The following PLD1 variants were observed in gnomAD, a reference collection of about 807,000 sequenced individuals.
The protein encoded by PLD1 is phospholipase D1, also known as choline phosphatase 1.
A neutral mutation model predicts 137.1 loss-of-function variants in PLD1; 112 were observed. That is an observed-to-expected ratio of 0.82 (90% CI 0.70 to 0.96). PLD1 has a LOEUF of 0.96. PLD1 is among the 40% of genes least tolerant of loss of function. PLD1 has a pLI of 0.00. For missense variants in PLD1, 1,321 were observed against 1,342.0 expected (o/e 0.98, Z 0.24); for synonymous variants, 431 against 454.7 (o/e 0.95, Z 0.66).
intron 6 of PLD1, among the ~76,000 whole-genome samples, chr3:171,728,443 A>G (rs891935961): frequency 2.6e-5 from 4 of 152,244 alleles, no homozygotes; most frequent in African/African-American, 7.2e-5. Flanking sequence ...AGGTAATCCT[A>G]TGGGTTATTG....
At position 171,640,212 on chromosome 3, in the gene PLD1, GT is replaced by G. The variant is rs577262336; in HGVS notation, c.2593+2627del. On this transcript the variant is annotated intron_variant, in intron 23 of 26. Transcript: ENST00000351298. Reference sequence around the variant, plus strand: ...TTTTATTCTGCTTGCTTTAGGTTTAGTTTTCTCTTCTTTTTCTACTTTCCTA... The same window carrying G: ...TTTTATTCTGCTTGCTTTAGGTTTAGTTTCTCTTCTTTTTCTACTTTCCTA... 1.7e-4 allele frequency among the ~76,000 whole-genome samples: 25 copies of G among 151,426 alleles called. No homozygotes were observed. The East Asian group carries it at 4.7e-3, about 28-fold the overall frequency.
At chr3:171,629,199 G>A (rs1329487478) in intron 23 of PLD1, among the ~76,000 whole-genome samples, 1 of 151,890 alleles carries the variant, frequency 6.6e-6, no homozygotes, top group East Asian at 1.9e-4. Flanking sequence ...AAAATCACAA[G>A]CATTCTTATA....
intron 1 of PLD1, among the ~76,000 whole-genome samples, chr3:171,770,792 G>A (rs1722292818): frequency 6.6e-6 from 1 of 151,298 alleles, no homozygotes; most frequent in Non-Finnish European, 1.5e-5. Context: ...AGGAGGTTGA[G>A]GTGGGAGGAT....
intron 12 of PLD1, among the ~76,000 whole-genome samples, chr3:171,695,620 G>A (rs1285304708): frequency 6.6e-6 from 1 of 152,180 alleles, no homozygotes; most frequent in African/African-American, 2.4e-5. Flanking sequence ...AATTTTTATA[G>A]TGGAAATCAG....
chr3:171,632,200 G>C (rs969229318), intron 23 of PLD1, among the ~76,000 whole-genome samples: 11 of 152,078 alleles, frequency 7.2e-5, no homozygotes, highest in Admixed American at 2.6e-4. Context: ...TACCCAAATT[G>C]AGGGACAGTC....
intron 24 of PLD1, among the ~76,000 whole-genome samples, chr3:171,613,831 A>G (rs564019809): frequency 6.6e-6 from 1 of 152,052 alleles, no homozygotes; most frequent in Non-Finnish European, 1.5e-5. Context: ...TTTTTGCATT[A>G]ATCTCTGCAG....
At chr3:171,625,158 C>T (rs184197601) in intron 23 of PLD1, among the ~76,000 whole-genome samples, 315 of 152,274 alleles carry the variant, frequency 2.1e-3, no homozygotes, top group Non-Finnish European at 3.3e-3. Flanking sequence ...CCTAATACTG[C>T]GCTTTTCCAA....
intron 19 of PLD1, among the ~76,000 whole-genome samples, chr3:171,669,514 G>A (rs1712525743): frequency 6.6e-6 from 1 of 152,280 alleles, no homozygotes; most frequent in Admixed American, 6.5e-5. Flanking sequence ...CGATTCTCCT[G>A]CCTCAGCCTC....
rs1713395071 is a variant in PLD1, at chr3:171,676,718, T to C, written c.2112A>G (p.Thr704=). ...ARHFIQRWNF[T]KIMKSKYRSL... Reference sequence around the variant, plus strand: ...CATGATAGCAACATCCAAGTACTTTTGTGAAGTTCCAGCGCTGGATGAAGT... The same window carrying C: ...CATGATAGCAACATCCAAGTACTTTCGTGAAGTTCCAGCGCTGGATGAAGT... The change falls in exon 18 of 27, where the codon ACA becomes ACG. Residue 704 remains threonine (T), a synonymous_variant. Coordinates refer to ENST00000351298, the MANE Select transcript of PLD1 (RefSeq NM_002662.5). The C allele has an allele frequency of 1.9e-6, 3 of 1,611,706 alleles. No homozygotes were observed. Among genetic ancestry groups the C allele is most frequent in the South Asian group, 2.2e-5 (2 of 91,014 alleles).
intron 1 of PLD1, among the ~76,000 whole-genome samples, chr3:171,746,871 C>T (rs1720235554): frequency 6.6e-6 from 1 of 152,172 alleles, no homozygotes; most frequent in African/African-American, 2.4e-5. Flanking sequence ...AGCTGGGGCC[C>T]CCTTCAATAC....
intron 16 of PLD1, among the ~76,000 whole-genome samples, chr3:171,685,420 A>G (rs919194314): frequency 2.6e-5 from 4 of 152,226 alleles, no homozygotes; most frequent in Non-Finnish European, 5.9e-5. Context: ...ATAACATAGT[A>G]ATCTTTATTT....
chr3:171,612,491 G>A lies in PLD1; in HGVS notation c.2729-59C>T. ...CCTGTTGTGGCAGACACTGTTGGTT[G>A]CCCTCCCAACTCAATTCATCCTTGC... On this transcript the variant is annotated intron_variant, in intron 24 of 26. Coordinates refer to ENST00000351298, the MANE Select transcript of PLD1 (RefSeq NM_002662.5). The surrounding 1 kb of genome is among the most constrained non-coding windows in gnomAD (Gnocchi z 4.1). 1.3e-6 allele frequency: 2 copies of A among 1,514,504 alleles called. No individual in the cohort carries two copies. Among genetic ancestry groups the A allele is most frequent in the Non-Finnish European group, 1.8e-6 (2 of 1,092,924 alleles). 93.8% of individuals were successfully genotyped at this position (1,514,504 alleles called of 1,614,324 possible).
chr3:171,726,073 CT>C lies in PLD1; in HGVS notation c.609del (p.Glu204SerfsTer5). On this transcript the variant is annotated frameshift_variant and splice_region_variant, in exon 7 of 27. Coordinates refer to ENST00000351298, the MANE Select transcript of PLD1 (RefSeq NM_002662.5). LOFTEE classifies it high-confidence loss of function. ...MPMYRNYHAT[T>X]EFLDISQLSF... ...GACAGCTGGCTTATATCAAGAAACT[CT>C]GTCTGAAAAGAAGCAAAAAATCCAT... The C allele has an allele frequency of 6.2e-7, 1 of 1,611,490 alleles. No homozygotes were observed. The highest frequency in any genetic ancestry group is 8.5e-7 in the Non-Finnish European group (1 of 1,177,734).
chr3:171,644,871 G>T lies in PLD1; in HGVS notation c.2543+39C>A. The T allele has an allele frequency of 4.1e-6, 5 of 1,222,232 alleles. No individual in the cohort carries two copies. The South Asian group carries it at 6.0e-5, about 15-fold the overall frequency. The allele number at this position is 1,222,232 out of a possible 1,614,324, so 75.7% of individuals were successfully genotyped here. A position where few individuals can be genotyped will look rare whatever the true frequency, so the allele number is the denominator to read the frequency against. On this transcript the variant is annotated intron_variant, in intron 22 of 26. Coordinates refer to ENST00000351298, the MANE Select transcript of PLD1 (RefSeq NM_002662.5). ...CCCTTCATCAGCTTACATGATGCATGACCGAAAGCTCAAAATAGACCATTT... is the reference window on the plus strand; with the variant it reads ...CCCTTCATCAGCTTACATGATGCATTACCGAAAGCTCAAAATAGACCATTT...
intron 21 of PLD1, among the ~76,000 whole-genome samples, chr3:171,657,066 A>G (rs930949721): frequency 6.6e-6 from 1 of 152,224 alleles, no homozygotes; most frequent in Non-Finnish European, 1.5e-5. Flanking sequence ...CCAAAGATTT[A>G]GGCTCAAAGC....
At chr3:171,749,168 G>GA (rs1720479462) in intron 1 of PLD1, among the ~76,000 whole-genome samples, 1 of 152,020 alleles carries the variant, frequency 6.6e-6, no homozygotes, top group Non-Finnish European at 1.5e-5. Context: ...CAATAATGAA[G>GA]AAAAAACCTA....
At chr3:171,624,042 AT>A (rs1160631313) in intron 23 of PLD1, among the ~76,000 whole-genome samples, 1 of 152,072 alleles carries the variant, frequency 6.6e-6, no homozygotes, top group Non-Finnish European at 1.5e-5. Flanking sequence ...GATTAAAAAA[AT>A]AACAACACGT....
At chr3:171,623,313 C>CTTT (rs57580074) in intron 23 of PLD1, among the ~76,000 whole-genome samples, 1 of 129,976 alleles carries the variant, frequency 7.7e-6, no homozygotes. Context: ...CCCTATCAGA[C>CTTT]TTTTTTTTTT....
chr3:171,681,300 T>C (rs144106743), intron 16 of PLD1, among the ~76,000 whole-genome samples: 1,743 of 152,330 alleles, frequency 0.011, 33 homozygotes, highest in African/African-American at 0.04. Context: ...GAGTGTAATA[T>C]AGTAGAGGGT....
Sources: gnomAD v4.1 joint callset for allele counts (sites outside exome capture counted in the v4.1 genomes callset) on GRCh38, gnomAD v4.1.1 for gene constraint, Gnocchi (gnomAD v3.1) non-coding constraint, MANE v1.5 for transcripts, NCBI Gene and HGNC (gene_info 2026-07-23, HGNC 2026-07-21) for gene names.